Variants in SPON1 observed in about 807,000 individuals in gnomAD.
SPON1 encodes spondin 1.
In SPON1, 52 loss-of-function variants were observed where a neutral mutation model predicts 111.7. That is an observed-to-expected ratio of 0.47 (90% CI 0.37 to 0.59). The LOEUF (loss-of-function observed/expected upper bound fraction) is 0.59, where lower values mean the gene tolerates loss of function less well. Ranked by LOEUF, SPON1 falls within the 20% of genes least tolerant of loss-of-function variation. The pLI, the probability that SPON1 is intolerant of heterozygous loss-of-function variation, is 0.00. For synonymous variants in SPON1, 410 were observed against 395.8 expected (o/e 1.04, Z -0.43); for missense variants, 957 against 1,068.5 (o/e 0.90, Z 1.46).
intron 6 of SPON1, among the ~76,000 whole-genome samples, chr11:14,167,705 T>G (rs1410231349): frequency 6.6e-6 from 1 of 152,148 alleles, no homozygotes; most frequent in Non-Finnish European, 1.5e-5. Context: ...TTTACAATTT[T>G]CCATCAAATA....
chr11:13,999,131 A>T (rs782393362), intron 2 of SPON1, among the ~76,000 whole-genome samples: 4 of 152,214 alleles, frequency 2.6e-5, no homozygotes, highest in Non-Finnish European at 2.9e-5. Context: ...TAGTTTACTG[A>T]AACAGTATCC....
rs1849231738 is a variant in SPON1, at chr11:14,264,274, A to AGGGT, written c.2261-1248_2261-1245dup. On this transcript the variant is annotated intron_variant, in intron 15 of 15. Transcript: ENST00000576479. ...GATTCTGTAGGTGGTTTTAAGCAAG[A>AGGGT]GGGTGACTGTATCAGACCTGTGTTG... 2.6e-5 allele frequency among the ~76,000 whole-genome samples: 4 copies of AGGGT among 152,292 alleles called. No individual in the cohort carries two copies. The South Asian group carries it at 8.3e-4, about 32-fold the overall frequency.
At chr11:14,178,421 C>CAAAA (rs35221896) in intron 6 of SPON1, among the ~76,000 whole-genome samples, 1 of 123,988 alleles carries the variant, frequency 8.1e-6, no homozygotes, top group Non-Finnish European at 1.7e-5. Flanking sequence ...GACTCCGTCT[C>CAAAA]AAAAAAAAAA....
At chr11:14,110,549 A>G (rs1554925352) in intron 5 of SPON1, among the ~76,000 whole-genome samples, 1 of 152,224 alleles carries the variant, frequency 6.6e-6, no homozygotes, top group Non-Finnish European at 1.5e-5. Flanking sequence ...CTGGGAAAAG[A>G]GAGAAGCTGG....
intron 2 of SPON1, among the ~76,000 whole-genome samples, chr11:13,995,498 CA>C (rs1451864912): frequency 1.3e-5 from 2 of 152,138 alleles, no homozygotes; most frequent in African/African-American, 4.8e-5. Context: ...CAAAGTGCCA[CA>C]CTTTAAAACC....
At chr11:14,113,463 C>A (rs1196451012) in intron 5 of SPON1, among the ~76,000 whole-genome samples, 1 of 151,852 alleles carries the variant, frequency 6.6e-6, no homozygotes, top group African/African-American at 2.4e-5. Context: ...AGGCTGTTCT[C>A]CTTCGCTTCT....
intron 6 of SPON1, among the ~76,000 whole-genome samples, chr11:14,231,902 T>G (rs1320973898): frequency 2.1e-5 from 3 of 144,882 alleles, no homozygotes; most frequent in Non-Finnish European, 4.5e-5. Flanking sequence ...ATATTGCAAT[T>G]GATGAAAGCT....
intron 5 of SPON1, among the ~76,000 whole-genome samples, chr11:14,102,966 G>A (rs1554924527): frequency 6.6e-6 from 1 of 152,132 alleles, no homozygotes; most frequent in African/African-American, 2.4e-5. Flanking sequence ...TGTTCAGCTT[G>A]CATTCTCTTT....
In SPON1 at chr11:14,115,438, C is replaced by T. The variant is rs146090393; in HGVS notation, c.677-19982C>T. ...TTTTGTCCCCATCCAGTCACTACTA[C>T]ATCTTGACTTCTATCATAGATTAAT... On this transcript the variant is annotated intron_variant, in intron 5 of 15. Coordinates refer to ENST00000576479, the MANE Select transcript of SPON1 (RefSeq NM_006108.4). Among the ~76,000 whole-genome samples the T allele has an allele frequency of 3.7e-3, 571 of 152,320 alleles. 5 individuals carry two copies. Among genetic ancestry groups the T allele is most frequent in the South Asian group, 0.019 (91 of 4,828 alleles).
At chr11:14,004,154 GAC>G (rs150297092) in intron 2 of SPON1, among the ~76,000 whole-genome samples, 7 of 151,128 alleles carry the variant, frequency 4.6e-5, no homozygotes, top group South Asian at 2.1e-4. Flanking sequence ...TACACACACA[GAC>G]ACACACACAC....
At chr11:13,994,612 G>C (rs781987288) in intron 2 of SPON1, among the ~76,000 whole-genome samples, 1 of 152,208 alleles carries the variant, frequency 6.6e-6, no homozygotes, top group Non-Finnish European at 1.5e-5. Flanking sequence ...AAAGCTAATG[G>C]AGGAAGAGAG....
intron 2 of SPON1, among the ~76,000 whole-genome samples, chr11:14,033,054 T>A (rs1301829274): frequency 1.3e-5 from 2 of 152,106 alleles, no homozygotes; most frequent in Non-Finnish European, 2.9e-5. Context: ...ACATCTCACA[T>A]CCTCCACAGA....
chr11:14,122,762 T>A (rs1847407134), intron 5 of SPON1, among the ~76,000 whole-genome samples: 1 of 152,178 alleles, frequency 6.6e-6, no homozygotes. Context: ...AAATTCCCTA[T>A]CTGTTCACTC....
chr11:14,247,361 G>A (rs1332126040), intron 7 of SPON1, among the ~76,000 whole-genome samples: 2 of 152,220 alleles, frequency 1.3e-5, no homozygotes, highest in Non-Finnish European at 2.9e-5. Context: ...AGTGAACCAT[G>A]CACTCCAGTC....
chr11:14,109,410 A>G (rs140796612), intron 5 of SPON1, among the ~76,000 whole-genome samples: 17 of 152,316 alleles, frequency 1.1e-4, no homozygotes, highest in Non-Finnish European at 1.8e-4. Context: ...AAATTTTTAA[A>G]CCAGCTGTAA....
At chr11:14,234,014 C>T (rs1415590863) in intron 6 of SPON1, among the ~76,000 whole-genome samples, 1 of 152,148 alleles carries the variant, frequency 6.6e-6, no homozygotes, top group East Asian at 1.9e-4. Flanking sequence ...TCAACCTTGG[C>T]CTCCCAAAGT....
chr11:14,057,300 C>G (rs1848752148), intron 3 of SPON1, among the ~76,000 whole-genome samples: 1 of 152,130 alleles, frequency 6.6e-6, no homozygotes, highest in Non-Finnish European at 1.5e-5. Context: ...TAACCTGAAT[C>G]TAATTATGAG....
chr11:14,003,013 G>A (rs1441738076), intron 2 of SPON1, among the ~76,000 whole-genome samples: 1 of 151,866 alleles, frequency 6.6e-6, no homozygotes, highest in African/African-American at 2.4e-5. Flanking sequence ...TTCACTTCTC[G>A]ACCCCCACCA....
chr11:14,142,106 G>A (rs143817922), intron 6 of SPON1, among the ~76,000 whole-genome samples: 52 of 152,024 alleles, frequency 3.4e-4, no homozygotes, highest in African/African-American at 1.1e-3. Context: ...GATGAAAATG[G>A]CGATTGTGCC....
Sources: allele counts gnomAD v4.1 joint callset (sites outside exome capture counted in the v4.1 genomes callset), GRCh38; gene constraint gnomAD v4.1.1; transcripts MANE v1.5; gene names NCBI Gene and HGNC (gene_info 2026-07-23, HGNC 2026-07-21).